FNDC1: variants seen among roughly 807,000 people sequenced by gnomAD.
The protein encoded by FNDC1 is fibronectin type III domain-containing protein 1.
A neutral mutation model predicts 168.0 loss-of-function variants in FNDC1; 96 were observed. That is an observed-to-expected ratio of 0.57 (90% CI 0.48 to 0.68). The LOEUF is 0.68. Ranked by LOEUF, FNDC1 falls within the 30% of genes least tolerant of loss-of-function variation. The pLI is 0.00. For synonymous variants in FNDC1, 1,099 were observed against 1,025.9 expected (o/e 1.07, Z -1.36); for missense variants, 2,587 against 2,482.1 (o/e 1.04, Z -0.90).
intron 2 of FNDC1, among the ~76,000 whole-genome samples, chr6:159,198,545 TA>T (rs61612103): frequency 0.03 from 4,622 of 152,288 alleles, 267 homozygotes; most frequent in African/African-American, 0.11. Flanking sequence ...CCATTTCCCT[TA>T]ATCTCTTCCA....
At chr6:159,204,097 A>AT (rs1423821936) in intron 4 of FNDC1, among the ~76,000 whole-genome samples, 1 of 152,084 alleles carries the variant, frequency 6.6e-6, no homozygotes, top group East Asian at 1.9e-4. Flanking sequence ...ACGCTTGCTC[A>AT]TTTTTTTGGA....
intron 17 of FNDC1, among the ~76,000 whole-genome samples, chr6:159,255,583 A>G (rs1230891824): frequency 6.6e-6 from 1 of 152,230 alleles, no homozygotes; most frequent in Non-Finnish European, 1.5e-5. Context: ...TAGTTGCACA[A>G]CAAATATTTG....
At chr6:159,270,903 G>C (rs1443584292) in intron 22 of FNDC1, among the ~76,000 whole-genome samples, 2 of 152,206 alleles carry the variant, frequency 1.3e-5, no homozygotes, top group African/African-American at 4.8e-5. Context: ...CTTCTTCCAT[G>C]GGGAGAGAGA....
At position 159,232,560 on chromosome 6, in the gene FNDC1, A is replaced by G. The variant is rs376907751; in HGVS notation, c.2048A>G (p.Asp683Gly). 3.1e-6 allele frequency: 5 copies of G among 1,611,600 alleles called. No homozygotes were observed. Among genetic ancestry groups the G allele is most frequent in the Non-Finnish European group, 3.4e-6 (4 of 1,178,884 alleles). Reference sequence around the variant, plus strand: ...CAGTCCCCGTCCAGCGTTCTCCGCGACAGAAGCTCTGTGCACCCCGGCGCA... The same window carrying G: ...CAGTCCCCGTCCAGCGTTCTCCGCGGCAGAAGCTCTGTGCACCCCGGCGCA... ...SRQSPSSVLR[D>G]RSSVHPGAKP... Residue 683 changes from aspartate (D) to glycine (G), a missense_variant, in exon 11 of 23, where the codon GAC becomes GGC. Transcript: ENST00000297267. This position sits in a 1 kb window ranked among gnomAD's most constrained non-coding sequence, Gnocchi z 4.9.
chr6:159,264,259 T>C (rs373544015), intron 19 of FNDC1, among the ~76,000 whole-genome samples: 2 of 152,232 alleles, frequency 1.3e-5, no homozygotes, highest in African/African-American at 4.8e-5. Context: ...CTCTAGTTTA[T>C]AGGCAAACAT....
At chr6:159,176,549 AGAC>A (rs1781765528) in intron 1 of FNDC1, among the ~76,000 whole-genome samples, 1 of 152,252 alleles carries the variant, frequency 6.6e-6, no homozygotes, top group African/African-American at 2.4e-5. Flanking sequence ...GTCGAGGAAC[AGAC>A]CCTGCTGCAC....
chr6:159,218,512 C>G (rs1782753291), intron 5 of FNDC1: 1 of 152,136 alleles, frequency 6.6e-6, no homozygotes, highest in Non-Finnish European at 1.5e-5. Flanking sequence ...TTGGAATGGA[C>G]CTGCCGTGTC....
chr6:159,241,891 T>C (rs1319921276), intron 14 of FNDC1, among the ~76,000 whole-genome samples: 3 of 152,188 alleles, frequency 2.0e-5, no homozygotes, highest in African/African-American at 7.2e-5. Context: ...ATCCATCACC[T>C]CCCAAAGTTC....
At position 159,214,928 on chromosome 6, in the gene FNDC1, G is replaced by A. The variant is rs1199130119; in HGVS notation, c.461-17G>A. The A allele has an allele frequency of 6.2e-7, 1 of 1,612,814 alleles. No individual in the cohort carries two copies. Among genetic ancestry groups the A allele is most frequent in the African/African-American group, 1.3e-5 (1 of 74,910 alleles). Reference sequence around the variant, plus strand: ...TGGTCTACTGTCTAACCACTTTTGTGTCCTGCCCTCTTTAAGAAAAGGAAG... The same window carrying A: ...TGGTCTACTGTCTAACCACTTTTGTATCCTGCCCTCTTTAAGAAAAGGAAG... On this transcript the variant is annotated splice_polypyrimidine_tract_variant and intron_variant, in intron 4 of 22. Coordinates refer to ENST00000297267, the MANE Select transcript of FNDC1 (RefSeq NM_032532.3).
rs531988989 is a variant in FNDC1, at chr6:159,232,782, C to G, written c.2270C>G (p.Ala757Gly). 6.2e-7 allele frequency: 1 copy of G among 1,613,840 alleles called. No homozygotes were observed. Among genetic ancestry groups the G allele is most frequent in the African/African-American group, 1.3e-5 (1 of 74,934 alleles). Residue 757 changes from alanine to glycine, a missense_variant, in exon 11 of 23, where the codon GCG becomes GGG. Transcript: ENST00000297267. The surrounding 1 kb of genome is among the most constrained non-coding windows in gnomAD (Gnocchi z 4.9). ...GACGCCCCAGCCACCAACTCCAATG[C>G]GCCATCACGGTCCACCATGTCCTCC... The part of the protein sequence containing the change: ...GEDAPATNSN[A>G]PSRSTMSSSV...
At position 159,236,280 on chromosome 6, in the gene FNDC1, CAG is replaced by C. The variant is rs1420536169; in HGVS notation, c.4037_4038del (p.Arg1346AsnfsTer15). 2 of 1,613,644 alleles carry C rather than the reference CAG, an allele frequency of 1.2e-6. No homozygotes were observed. Among genetic ancestry groups the C allele is most frequent in the Admixed American group, 1.7e-5 (1 of 60,020 alleles). On this transcript the variant is annotated frameshift_variant, in exon 12 of 23. Transcript: ENST00000297267. LOFTEE classifies it high-confidence loss of function. ...TGGTAGTAATGGAAAACCGAATGGA[CAG>C]AGAATTATCAATGGCCCTCAAGGAA... ...LPGSNGKPNG[Q>X]RIINGPQGTK...
intron 17 of FNDC1, among the ~76,000 whole-genome samples, chr6:159,251,873 G>A (rs902344349): frequency 6.6e-6 from 1 of 152,148 alleles, no homozygotes; most frequent in Non-Finnish European, 1.5e-5. Context: ...CTATAATCTT[G>A]CAAATGGCCA....
At chr6:159,192,199 C>T (rs543594891) in intron 1 of FNDC1, among the ~76,000 whole-genome samples, 75 of 152,266 alleles carry the variant, frequency 4.9e-4, no homozygotes, top group African/African-American at 1.8e-3. Context: ...TTATAACCAC[C>T]CCTGCCCCCA....
intron 6 of FNDC1, among the ~76,000 whole-genome samples, chr6:159,223,196 C>T (rs1782873389): frequency 6.6e-6 from 1 of 152,034 alleles, no homozygotes; most frequent in South Asian, 2.1e-4. Context: ...CGGGGTTTCA[C>T]TGTGTTAGCC....
chr6:159,267,654 T>C (rs1173307498), intron 21 of FNDC1, 150 bp from the exon 22 acceptor site: 1 of 752,240 alleles, frequency 1.3e-6, no homozygotes, highest in African/African-American at 1.8e-5. Flanking sequence ...TTGGTGCCAT[T>C]ATCACCATTT....
intron 11 of FNDC1, among the ~76,000 whole-genome samples, chr6:159,235,416 T>G (rs1276240532): frequency 1.3e-5 from 2 of 152,174 alleles, no homozygotes; most frequent in Admixed American, 6.5e-5. Flanking sequence ...CCACTAAGAT[T>G]GACTGTTTTA....
chr6:159,248,127 TG>T, intron 15 of FNDC1, among the ~76,000 whole-genome samples: 1 of 152,354 alleles, frequency 6.6e-6, no homozygotes, highest in South Asian at 2.1e-4. Context: ...AAACAGCAGA[TG>T]TTAGAAAGCA....
At chr6:159,251,137 A>G (rs995753081) in intron 16 of FNDC1, among the ~76,000 whole-genome samples, 165 bp from the exon 17 acceptor site, 1 of 152,162 alleles carries the variant, frequency 6.6e-6, no homozygotes, top group Non-Finnish European at 1.5e-5. Flanking sequence ...GGATCCATCA[A>G]GGAGAGCTGG....
At chr6:159,174,434 C>A (rs1457453685) in intron 1 of FNDC1, among the ~76,000 whole-genome samples, 1 of 152,286 alleles carries the variant, frequency 6.6e-6, no homozygotes, top group South Asian at 2.1e-4. Flanking sequence ...CGCTTGCGCT[C>A]TGAGGCCCTT....
Sources: allele counts gnomAD v4.1 joint callset (sites outside exome capture counted in the v4.1 genomes callset), GRCh38; gene constraint gnomAD v4.1.1; non-coding constraint Gnocchi (gnomAD v3.1); transcripts MANE v1.5; gene names NCBI Gene and HGNC (gene_info 2026-07-23, HGNC 2026-07-21).